The following KCNT2 variants were observed in gnomAD, a reference collection of about 807,000 sequenced individuals.
KCNT2 encodes potassium channel subfamily T member 2.
KCNT2 carries 67 observed loss-of-function variants against 153.8 expected under a neutral mutation model. That is an observed-to-expected ratio of 0.44 (90% CI 0.36 to 0.53). The LOEUF is 0.53. Among genes scored for constraint, KCNT2 ranks in the 20% least tolerant of loss-of-function variants. KCNT2 has a pLI of 0.00. For missense variants in KCNT2, 975 were observed against 1,354.8 expected, an observed-to-expected ratio of 0.72 and a Z score of 4.40; for synonymous variants, 500 against 458.8, an observed-to-expected ratio of 1.09 and a Z score of -1.15.
chr1:196,323,069 A>G (rs1183079282), intron 19 of KCNT2, among the ~76,000 whole-genome samples: 2 of 152,090 alleles, frequency 1.3e-5, no homozygotes, highest in African/African-American at 4.8e-5. Flanking sequence ...CCATTTTACA[A>G]ATCAGAAAAA....
At chr1:196,375,043 C>T (rs1219143666) in intron 13 of KCNT2, among the ~76,000 whole-genome samples, 1 of 151,644 alleles carries the variant, frequency 6.6e-6, no homozygotes, top group Admixed American at 6.6e-5. Flanking sequence ...ATGTGTTATA[C>T]TTTGAAAATA....
intron 1 of KCNT2, among the ~76,000 whole-genome samples, chr1:196,573,918 T>C (rs2148957077): frequency 6.6e-6 from 1 of 152,030 alleles, no homozygotes; most frequent in Non-Finnish European, 1.5e-5. Flanking sequence ...AATTAACTTA[T>C]AATAGTGTCA....
In KCNT2 at chr1:196,342,244, A is replaced by G. The variant is rs1427849399; in HGVS notation, c.1404-16T>C. ...CTGGCCTTCTCTGCAACACAGGCAC[A>G]CACACATACACACACACAAAAAGAA... On this transcript the variant is annotated splice_polypyrimidine_tract_variant and intron_variant, in intron 14 of 27. Transcript: ENST00000294725. The G allele has an allele frequency of 1.3e-6, 2 of 1,589,948 alleles. No homozygotes were observed. Among genetic ancestry groups the G allele is most frequent in the Non-Finnish European group, 1.7e-6 (2 of 1,167,260 alleles).
At chr1:196,464,016 AT>A (rs1466908300) in intron 8 of KCNT2, among the ~76,000 whole-genome samples, 1 of 151,882 alleles carries the variant, frequency 6.6e-6, no homozygotes, top group Non-Finnish European at 1.5e-5. Flanking sequence ...TAATTTTAGT[AT>A]TTGTAATTTT....
chr1:196,453,449 G>T (rs1490860109), intron 8 of KCNT2, among the ~76,000 whole-genome samples: 1 of 151,878 alleles, frequency 6.6e-6, no homozygotes, highest in African/African-American at 2.4e-5. Flanking sequence ...GTTCAGAAGT[G>T]GAAAATTCTC....
intron 1 of KCNT2, among the ~76,000 whole-genome samples, chr1:196,551,236 G>A (rs781473049): frequency 1.3e-4 from 20 of 151,682 alleles, no homozygotes; most frequent in Admixed American, 2.6e-4. Flanking sequence ...TGTTTTCATC[G>A]GATTGTAACA....
At chr1:196,245,851 GA>G (rs1260394787) in intron 26 of KCNT2, among the ~76,000 whole-genome samples, 1 of 152,092 alleles carries the variant, frequency 6.6e-6, no homozygotes, top group Non-Finnish European at 1.5e-5. Flanking sequence ...ACAGAATCTA[GA>G]AAACAGCACC....
chr1:196,463,181 TG>T (rs980918134), intron 8 of KCNT2, among the ~76,000 whole-genome samples: 1 of 151,834 alleles, frequency 6.6e-6, no homozygotes, highest in African/African-American at 2.4e-5. Context: ...GCTGTATTTT[TG>T]TGGATATTTC....
At chr1:196,602,719 A>T (rs1664863057) in intron 1 of KCNT2, among the ~76,000 whole-genome samples, 1 of 151,784 alleles carries the variant, frequency 6.6e-6, no homozygotes. Flanking sequence ...ATTATTAAAT[A>T]ATACATTTTT....
At chr1:196,490,796 C>G (rs969521916) in intron 2 of KCNT2, among the ~76,000 whole-genome samples, 3 of 151,688 alleles carry the variant, frequency 2.0e-5, no homozygotes, top group African/African-American at 7.3e-5. Flanking sequence ...ATTATCTTTC[C>G]TGTAATTACT....
chr1:196,256,696 T>C (rs1656537967), intron 26 of KCNT2, among the ~76,000 whole-genome samples: 1 of 148,946 alleles, frequency 6.7e-6, no homozygotes, highest in East Asian at 1.9e-4. Context: ...GTTTCACAGG[T>C]GATTATCATG....
intron 1 of KCNT2, among the ~76,000 whole-genome samples, chr1:196,529,473 G>T (rs962937784): frequency 8.5e-5 from 13 of 152,208 alleles, no homozygotes; most frequent in Admixed American, 6.5e-4. Context: ...TAGCTGTGGA[G>T]ACATTATGAT....
chr1:196,357,388 CTT>C (rs1667260489), intron 14 of KCNT2, among the ~76,000 whole-genome samples: 1 of 151,894 alleles, frequency 6.6e-6, no homozygotes, highest in African/African-American at 2.4e-5. Flanking sequence ...ATCATAAACT[CTT>C]TATTTCTTGG....
chr1:196,494,572 T>C (rs1450707810), intron 1 of KCNT2, among the ~76,000 whole-genome samples: 1 of 152,034 alleles, frequency 6.6e-6, no homozygotes, highest in Non-Finnish European at 1.5e-5. Context: ...TTAGTCAGGA[T>C]GGTCTCAATT....
intron 12 of KCNT2, among the ~76,000 whole-genome samples, chr1:196,421,831 T>C (rs1673230731): frequency 1.3e-5 from 2 of 152,026 alleles, no homozygotes; most frequent in African/African-American, 2.4e-5. Context: ...CTGAGAGCTG[T>C]GAGGGAAGGA....
intron 4 of KCNT2, among the ~76,000 whole-genome samples, chr1:196,481,239 T>G (rs537730737): frequency 2.6e-5 from 4 of 152,250 alleles, no homozygotes; most frequent in African/African-American, 9.6e-5. Context: ...ATATACAGAC[T>G]TCACAATCAT....
At chr1:196,256,707 G>T (rs1656539822) in intron 26 of KCNT2, among the ~76,000 whole-genome samples, 1 of 142,384 alleles carries the variant, frequency 7.0e-6, no homozygotes. Context: ...GATTATCATG[G>T]AAATATATAT....
At chr1:196,368,650 G>T (rs1204326899) in intron 14 of KCNT2, among the ~76,000 whole-genome samples, 2 of 152,048 alleles carry the variant, frequency 1.3e-5, no homozygotes, top group Middle Eastern at 3.2e-3. Context: ...GTTCCTTTTA[G>T]AAATCCTATC....
chr1:196,261,897 A>G (rs1657060216), intron 25 of KCNT2, among the ~76,000 whole-genome samples: 1 of 151,904 alleles, frequency 6.6e-6, no homozygotes, highest in African/African-American at 2.4e-5. Flanking sequence ...TGCATATGTA[A>G]ATGAAATGCT....
Sources: gnomAD v4.1 joint callset for allele counts (sites outside exome capture counted in the v4.1 genomes callset) on GRCh38, gnomAD v4.1.1 for gene constraint, MANE v1.5 for transcripts, NCBI Gene and HGNC (gene_info 2026-07-23, HGNC 2026-07-21) for gene names.